Variants in IQCH observed in about 807,000 individuals in gnomAD.
The protein encoded by IQCH is IQ motif containing H.
In IQCH, 98 loss-of-function variants were observed where a neutral mutation model predicts 117.0. The observed-to-expected ratio is 0.84, with a 90% CI of 0.71 to 0.99. The LOEUF (loss-of-function observed/expected upper bound fraction) is 0.99. Among genes scored for constraint, IQCH ranks in the 50% least tolerant of loss-of-function variants. The probability of loss-of-function intolerance (pLI) is 0.00; values close to 1 mark genes in which losing one functional copy is unlikely to be tolerated. For missense variants in IQCH, 1,102 were observed against 1,243.8 expected, an observed-to-expected ratio of 0.89 and a Z score of 1.72; for synonymous variants, 412 against 448.2, an observed-to-expected ratio of 0.92 and a Z score of 1.02.
At position 67,388,883 on chromosome 15, in the gene IQCH, A is replaced by C. The variant is rs1445031159; in HGVS notation, c.1509A>C (p.Leu503Phe). Residue 503 changes from leucine (L) to phenylalanine (F), a missense_variant, in exon 12 of 21, where the codon TTA becomes TTC. Physicochemically the swap from Leu to Phe is conservative, Grantham distance 22 (BLOSUM62 0). Around this residue, in one of 2 missense-constraint regions of IQCH, gnomAD observed 650 missense variants for 794.3 expected, o/e 0.82. Coordinates refer to ENST00000335894, the MANE Select transcript of IQCH (RefSeq NM_001031715.3). The surrounding 1 kb of genome is among the most constrained non-coding windows in gnomAD (Gnocchi z 5.5). ...YICSHHMNDE[L>F]VLYYKKILSL... Reference sequence around the variant, plus strand: ...GCTCCCATCATATGAATGACGAGTTAGTGCTGTATTACAAAAAAATCCTAA... The same window carrying C: ...GCTCCCATCATATGAATGACGAGTTCGTGCTGTATTACAAAAAAATCCTAA... 1 of 1,613,874 alleles carries C rather than the reference A, an allele frequency of 6.2e-7. No individual in the cohort carries two copies. Among genetic ancestry groups the C allele is most frequent in the Non-Finnish European group, 8.5e-7 (1 of 1,179,782 alleles).
chr15:67,310,794 A>G (rs905823431), intron 4 of IQCH, among the ~76,000 whole-genome samples: 1 of 152,172 alleles, frequency 6.6e-6, no homozygotes, highest in Admixed American at 6.6e-5. Context: ...ATGAAGCATA[A>G]TGTCAAAATT....
chr15:67,311,907 T>A (rs1233976421), intron 4 of IQCH, among the ~76,000 whole-genome samples: 1 of 151,938 alleles, frequency 6.6e-6, no homozygotes, highest in African/African-American at 2.4e-5. Context: ...CAAGCATGAG[T>A]GGACAGAGAG....
chr15:67,287,670 G>A (rs915675206), intron 4 of IQCH, among the ~76,000 whole-genome samples: 2 of 151,750 alleles, frequency 1.3e-5, no homozygotes, highest in East Asian at 3.9e-4. Flanking sequence ...TCTGGTTAAA[G>A]GTTTATCAGT....
chr15:67,395,420 G>A lies in IQCH; in HGVS notation c.1762G>A (p.Ala588Thr), dbSNP rs1468992867. ...GLLHRDDLAV[A>T]DMLDIPILGS... ...CCTCCACAGAGATGATTTAGCTGTG[G>A]CCGATATGTTAGACATACCCATCCT... The change falls in exon 13 of 21, where the codon GCC becomes ACC. Residue 588 changes from alanine (A) to threonine (T), a missense_variant. By Grantham distance (58) the Ala-to-Thr change is moderately conservative (BLOSUM62 0). Transcript: ENST00000335894. This position sits in a 1 kb window ranked among gnomAD's most constrained non-coding sequence, Gnocchi z 4.0. 1.2e-5 allele frequency: 19 copies of A among 1,613,952 alleles called. No individual in the cohort carries two copies. Among genetic ancestry groups the A allele is most frequent in the Non-Finnish European group, 1.6e-5 (19 of 1,179,978 alleles).
At chr15:67,488,459 A>G (rs2083555369) in intron 18 of IQCH, among the ~76,000 whole-genome samples, 1 of 152,252 alleles carries the variant, frequency 6.6e-6, no homozygotes. Context: ...CACAAGGGGA[A>G]CAGGAAAGGG....
intron 4 of IQCH, among the ~76,000 whole-genome samples, chr15:67,321,810 C>T (rs929811234): frequency 6.6e-6 from 1 of 152,172 alleles, no homozygotes. Context: ...TTTCCATATT[C>T]ATATCTGTCC....
At chr15:67,339,163 C>T (rs757493019) in intron 5 of IQCH, among the ~76,000 whole-genome samples, 21 of 152,048 alleles carry the variant, frequency 1.4e-4, no homozygotes, top group Non-Finnish European at 2.8e-4. Context: ...ATTAGTTAAA[C>T]GAATGACAGA....
At position 67,370,971 on chromosome 15, in the gene IQCH, T is replaced by TGG. The variant is rs370876043; in HGVS notation, c.754-1140_754-1139insGG. Among the ~76,000 whole-genome samples, 16 of 147,946 alleles carry TGG rather than the reference T, an allele frequency of 1.1e-4. No homozygotes were observed. In the East Asian group the frequency reaches 2.7e-3, roughly 25 times the overall value. On this transcript the variant is annotated intron_variant, in intron 8 of 20. Transcript: ENST00000335894. The surrounding 1 kb of genome is among the most constrained non-coding windows in gnomAD (Gnocchi z 5.6). ...ATTATGGATAAATTGCTGGGGGGGG[T>TGG]TTTCTTTGAGTTTTTTGAAAACTCT...
chr15:67,254,860 C>G lies in IQCH; in HGVS notation c.-37C>G. On this transcript the variant is annotated 5_prime_UTR_variant, in exon 1 of 21. Transcript: ENST00000335894. ...GCTGAAGGTTTCCGTGCTTGGAAAC[C>G]GCGCCTCCGCGGAGGTAGCCGTTCC... 3 of 1,603,894 alleles carry G rather than the reference C, an allele frequency of 1.9e-6. No homozygotes were observed. Among genetic ancestry groups the G allele is most frequent in the African/African-American group, 1.3e-5 (1 of 74,692 alleles).
chr15:67,467,823 A>G lies in IQCH; in HGVS notation c.2676+2526A>G, dbSNP rs956890277. 6.6e-6 allele frequency among the ~76,000 whole-genome samples: 1 copy of G among 152,200 alleles called. No individual in the cohort carries two copies. The highest frequency in any genetic ancestry group is 1.5e-5 in the Non-Finnish European group (1 of 68,026). On this transcript the variant is annotated intron_variant, in intron 17 of 20. Coordinates refer to ENST00000335894, the MANE Select transcript of IQCH (RefSeq NM_001031715.3). This position sits in a 1 kb window ranked among gnomAD's most constrained non-coding sequence, Gnocchi z 5.7. The stretch of plus-strand genomic sequence containing the variant: ...AATGCACAGATGAAACCACAATGAT[A>G]ATGAGAGCGCATTCAAAACTAATGC...
chr15:67,317,081 A>T (rs1388226974), intron 4 of IQCH, among the ~76,000 whole-genome samples: 3 of 152,226 alleles, frequency 2.0e-5, no homozygotes, highest in Non-Finnish European at 4.4e-5. Context: ...TCATATCTCT[A>T]ACTTCAGATG....
chr15:67,304,344 G>A, intron 4 of IQCH: 1 of 1,505,712 alleles, frequency 6.6e-7, no homozygotes, highest in Non-Finnish European at 8.9e-7. Flanking sequence ...TTCAGCGAAA[G>A]ATAGGGTTGA....
chr15:67,305,506 G>A (rs1718990845), intron 4 of IQCH, among the ~76,000 whole-genome samples: 1 of 152,046 alleles, frequency 6.6e-6, no homozygotes, highest in African/African-American at 2.4e-5. Context: ...AAATGTCACT[G>A]TGAATAATGT....
At chr15:67,256,082 A>G (rs117141751) in intron 1 of IQCH, among the ~76,000 whole-genome samples, 2 of 152,250 alleles carry the variant, frequency 1.3e-5, no homozygotes, top group East Asian at 3.9e-4. Flanking sequence ...CTCACATTCA[A>G]TGATTCACTA....
rs2082328150 is a variant in IQCH, at chr15:67,443,480, C to T, written c.2506-21647C>T. On this transcript the variant is annotated intron_variant, in intron 16 of 20. Transcript: ENST00000335894. This position sits in a 1 kb window ranked among gnomAD's most constrained non-coding sequence, Gnocchi z 5.0. ...GACCACAAATATGGTGGAGTGTATACTGCTTGGGTGATGGGTGCAGCAAAT... is the reference window on the plus strand; with the variant it reads ...GACCACAAATATGGTGGAGTGTATATTGCTTGGGTGATGGGTGCAGCAAAT... Among the ~76,000 whole-genome samples, 1 of 152,116 alleles carries T rather than the reference C, an allele frequency of 6.6e-6. No homozygotes were observed. Among genetic ancestry groups the T allele is most frequent in the South Asian group, 2.1e-4 (1 of 4,834 alleles).
chr15:67,497,316 C>A (rs2083845183), intron 20 of IQCH, among the ~76,000 whole-genome samples: 1 of 151,106 alleles, frequency 6.6e-6, no homozygotes, highest in Non-Finnish European at 1.5e-5. Flanking sequence ...AGAGTAAGAC[C>A]TAGTCTCAAA....
At position 67,476,584 on chromosome 15, in the gene IQCH, T is replaced by G. The variant is rs986231227; in HGVS notation, c.2799+766T>G. Among the ~76,000 whole-genome samples the G allele has an allele frequency of 1.3e-5, 2 of 152,206 alleles. No individual in the cohort carries two copies. The highest frequency in any genetic ancestry group is 2.9e-5 in the Non-Finnish European group (2 of 68,032). On this transcript the variant is annotated intron_variant, in intron 18 of 20. Coordinates refer to ENST00000335894, the MANE Select transcript of IQCH (RefSeq NM_001031715.3). This position sits in a 1 kb window ranked among gnomAD's most constrained non-coding sequence, Gnocchi z 4.1. ...CTGATAAAAACCATTTTCTCTACTT[T>G]TGGTCTATTTCCAATGATACCGGGG...
At chr15:67,259,576 G>A (rs1965374136) in intron 1 of IQCH, among the ~76,000 whole-genome samples, 2 of 152,166 alleles carry the variant, frequency 1.3e-5, no homozygotes, top group African/African-American at 4.8e-5. Flanking sequence ...GTCCACACAA[G>A]GCAGGTGAAA....
chr15:67,271,230 A>C (rs902526323), intron 3 of IQCH, among the ~76,000 whole-genome samples: 1 of 152,192 alleles, frequency 6.6e-6, no homozygotes, highest in Non-Finnish European at 1.5e-5. Context: ...GGCCTCCCAA[A>C]GTGCTGAGAT....
Sources: gnomAD v4.1 joint callset for allele counts (sites outside exome capture counted in the v4.1 genomes callset) on GRCh38, gnomAD v4.1.1 for gene constraint, gnomAD v4.1.1 regional missense constraint, Gnocchi (gnomAD v3.1) non-coding constraint, MANE v1.5 for transcripts, NCBI Gene and HGNC (gene_info 2026-07-23, HGNC 2026-07-21) for gene names.